The following CADPS variants were observed in gnomAD, a reference collection of about 807,000 sequenced individuals.
The protein encoded by CADPS is calcium dependent secretion activator, also known as calcium-dependent secretion activator 1.
Under a neutral mutation model 167.3 loss-of-function variants are expected in CADPS, and 57 were observed. The observed-to-expected ratio is 0.34, with a 90% CI of 0.28 to 0.42. CADPS has a LOEUF of 0.42. Among genes scored for constraint, CADPS ranks in the 20% least tolerant of loss-of-function variants. The pLI is 1.00. For synonymous variants in CADPS, 676 were observed against 635.3 expected, an observed-to-expected ratio of 1.06 and a Z score of -0.96; for missense variants, 1,414 against 1,738.1, an observed-to-expected ratio of 0.81 and a Z score of 3.32.
chr3:62,481,190 C>A (rs149171132), intron 22 of CADPS, among the ~76,000 whole-genome samples: 1 of 152,296 alleles, frequency 6.6e-6, no homozygotes, highest in African/African-American at 2.4e-5. Context: ...AAGGCTTGAT[C>A]CATTCAGAAA....
rs747730398 is a variant in CADPS at position 62,662,438 on chromosome 3, A to G, written c.889-44T>C. On this transcript the variant is annotated intron_variant, in intron 3 of 29. Coordinates refer to ENST00000383710, the MANE Select transcript of CADPS (RefSeq NM_003716.4). ...ATTGAGACTTTTAGTTTGGGTCACA[A>G]GTGCCAATAAACTCAGGACATTCCA... is the stretch of plus-strand genomic sequence containing the variant. The G allele has an allele frequency of 1.0e-5, 16 of 1,549,648 alleles. No individual in the cohort carries two copies. The African/African-American group carries it at 1.8e-4, about 17-fold the overall frequency.
At chr3:62,515,098 T>G (rs1364942580) in intron 16 of CADPS, among the ~76,000 whole-genome samples, 1 of 152,046 alleles carries the variant, frequency 6.6e-6, no homozygotes, top group Non-Finnish European at 1.5e-5. Context: ...AAACAAGGAT[T>G]TTGGCAGAGT....
At chr3:62,653,008 C>T (rs559783607) in intron 4 of CADPS, among the ~76,000 whole-genome samples, 21 of 152,134 alleles carry the variant, frequency 1.4e-4, no homozygotes, top group Non-Finnish European at 2.6e-4. Context: ...TGAAGGCTGT[C>T]ATAAGTCTTG....
intron 1 of CADPS, among the ~76,000 whole-genome samples, chr3:62,786,577 C>T (rs188424988): frequency 1.2e-4 from 18 of 151,896 alleles, no homozygotes; most frequent in Admixed American, 6.6e-4. Context: ...CTCAGGAGTT[C>T]GAGGTTAAAG....
intron 28 of CADPS, among the ~76,000 whole-genome samples, chr3:62,427,278 G>T (rs1158085424): frequency 6.6e-6 from 1 of 152,034 alleles, no homozygotes; most frequent in Non-Finnish European, 1.5e-5. Flanking sequence ...ACATGTTTTT[G>T]GATGAAGCTT....
intron 3 of CADPS, among the ~76,000 whole-genome samples, chr3:62,680,955 T>C (rs1198207905): frequency 1.3e-5 from 2 of 152,034 alleles, no homozygotes; most frequent in South Asian, 2.1e-4. Context: ...TGGTTCTTCA[T>C]GGTCTGGGCT....
chr3:62,592,604 T>C (rs1446285533), intron 7 of CADPS, 33 bp downstream of exon 7: 2 of 1,507,518 alleles, frequency 1.3e-6, no homozygotes, highest in South Asian at 1.1e-5. Flanking sequence ...AAATCCTCTC[T>C]GTGGAGTTCC....
At chr3:62,494,672 T>TTTTTTTA (rs1236655314) in intron 18 of CADPS, among the ~76,000 whole-genome samples, 4 of 146,966 alleles carry the variant, frequency 2.7e-5, no homozygotes, top group Non-Finnish European at 6.0e-5. Context: ...ACCAGCAATT[T>TTTTTTTA]TTTTTTTTTT....
Position 62,493,679 on chromosome 3 carries a change from T to C in CADPS, c.2707-14A>G. 3 of 1,554,080 alleles carry C rather than the reference T, an allele frequency of 1.9e-6. No homozygotes were observed. Among genetic ancestry groups the C allele is most frequent in the Non-Finnish European group, 2.6e-6 (3 of 1,147,562 alleles). ...ATCAACATGTGGCTGGTTTGCAAAT[T>C]AAATGAAAAAAATCAAGTCATGGAC... is the stretch of plus-strand genomic sequence containing the variant. On this transcript the variant is annotated splice_polypyrimidine_tract_variant and intron_variant, in intron 18 of 29. Transcript: ENST00000383710.
intron 3 of CADPS, among the ~76,000 whole-genome samples, chr3:62,752,430 T>A (rs2082907803): frequency 6.6e-6 from 1 of 152,216 alleles, no homozygotes. Flanking sequence ...CTAAACAGAC[T>A]CTTACTAAAA....
At chr3:62,833,474 G>A (rs576522762) in intron 1 of CADPS, among the ~76,000 whole-genome samples, 1 of 151,976 alleles carries the variant, frequency 6.6e-6, no homozygotes, top group East Asian at 2.0e-4. Flanking sequence ...GGAGGATGAA[G>A]CTGAGGCACG....
chr3:62,713,224 A>G (rs548615560), intron 3 of CADPS, among the ~76,000 whole-genome samples: 3 of 152,312 alleles, frequency 2.0e-5, no homozygotes, highest in Admixed American at 6.5e-5. Flanking sequence ...TTTGTTGCCC[A>G]GACCATTTCT....
At position 62,514,669 on chromosome 3, in the gene CADPS, C is replaced by T. The variant is rs2068575313; in HGVS notation, c.2581+1390G>A. 1.3e-5 allele frequency among the ~76,000 whole-genome samples: 2 copies of T among 152,082 alleles called. No individual in the cohort carries two copies. The highest frequency in any genetic ancestry group is 1.3e-4 in the Admixed American group (2 of 15,260). On this transcript the variant is annotated intron_variant, in intron 16 of 29. Transcript: ENST00000383710. The surrounding 1 kb of genome is among the most constrained non-coding windows in gnomAD (Gnocchi z 4.2). ...ATCTGAAAGAAGAGAGCAGATCTTACCAAAAGACTAGTAGTAATAGCTAGA... is the reference window on the plus strand; with the variant it reads ...ATCTGAAAGAAGAGAGCAGATCTTATCAAAAGACTAGTAGTAATAGCTAGA...
At chr3:62,462,298 G>A (rs967472770) in intron 26 of CADPS, among the ~76,000 whole-genome samples, 1 of 152,382 alleles carries the variant, frequency 6.6e-6, no homozygotes, top group East Asian at 1.9e-4. Flanking sequence ...GCGCTTGGGC[G>A]CCTCTCGGGC....
intron 1 of CADPS, among the ~76,000 whole-genome samples, chr3:62,776,224 T>C (rs896095732): frequency 2.6e-5 from 4 of 152,028 alleles, no homozygotes; most frequent in African/African-American, 4.8e-5. Context: ...TTGGAGAATA[T>C]AGCATGAGAA....
chr3:62,664,821 C>G (rs1448189444), intron 3 of CADPS, among the ~76,000 whole-genome samples: 1 of 152,196 alleles, frequency 6.6e-6, no homozygotes, highest in Non-Finnish European at 1.5e-5. Context: ...TTTGGGTTCT[C>G]CCACTGGCTT....
Position 62,698,757 on chromosome 3 carries a change from T to TTCC in CADPS, c.889-36364_889-36363insGGA, listed in dbSNP as rs1554088701. ...TTTTTTTTTTTTTTTTTTTTTTTTTTCAGACAGGGTCTTGCTTTGTCACCC... is the reference window on the plus strand; with the variant it reads ...TTTTTTTTTTTTTTTTTTTTTTTTTTTCCCAGACAGGGTCTTGCTTTGTCACCC... On this transcript the variant is annotated intron_variant, in intron 3 of 29. Transcript: ENST00000383710. Among the ~76,000 whole-genome samples the TTCC allele has an allele frequency of 2.8e-4, 22 of 79,330 alleles. 3 individuals carry two copies. The highest frequency in any genetic ancestry group is 1.8e-3 in the East Asian group (4 of 2,256). 52.0% of individuals were successfully genotyped at this position (79,330 alleles called of 152,430 possible).
Position 62,814,071 on chromosome 3 carries a change from T to C in CADPS, c.442-48087A>G, listed in dbSNP as rs566600356. Among the ~76,000 whole-genome samples the C allele has an allele frequency of 1.1e-3, 168 of 152,266 alleles. 2 individuals are homozygous for C. Among genetic ancestry groups the C allele is most frequent in the African/African-American group, 3.9e-3 (164 of 41,556 alleles). On this transcript the variant is annotated intron_variant, in intron 1 of 29. Coordinates refer to ENST00000383710, the MANE Select transcript of CADPS (RefSeq NM_003716.4). ...AACTTCGAAATAATAAGGTAAAAGA[T>C]AGTTGCAACTGCACTAAATCTACAT...
Position 62,874,339 on chromosome 3 carries a change from G to T in CADPS, c.441+250C>A, listed in dbSNP as rs1034756652. ...CTCACCAACGCTCCCGGGCTGGGGG[G>T]GCTCGAGCAAGCGGCGCTGCGCTCC... is the stretch of plus-strand genomic sequence containing the variant. On this transcript the variant is annotated intron_variant, in intron 1 of 29. Coordinates refer to ENST00000383710, the MANE Select transcript of CADPS (RefSeq NM_003716.4). This position sits in a 1 kb window ranked among gnomAD's most constrained non-coding sequence, Gnocchi z 7.1. 6.6e-6 allele frequency among the ~76,000 whole-genome samples: 1 copy of T among 152,148 alleles called. No homozygotes were observed. The highest frequency in any genetic ancestry group is 1.5e-5 in the Non-Finnish European group (1 of 68,012).
Sources: gnomAD v4.1 joint callset for allele counts (sites outside exome capture counted in the v4.1 genomes callset) on GRCh38, gnomAD v4.1.1 for gene constraint, Gnocchi (gnomAD v3.1) non-coding constraint, MANE v1.5 for transcripts, NCBI Gene and HGNC (gene_info 2026-07-23, HGNC 2026-07-21) for gene names.